ZNF638: variants seen among roughly 807,000 people sequenced by gnomAD.
ZNF638 encodes the protein zinc finger protein 638.
In ZNF638, 46 loss-of-function variants were observed where a neutral mutation model predicts 195.6. The ratio of observed to expected loss-of-function variants is 0.24; its 90% CI spans 0.19 to 0.30. ZNF638 has a LOEUF of 0.30. Among genes scored for constraint, ZNF638 ranks in the 10% least tolerant of loss-of-function variants. The pLI is 1.00. For synonymous variants in ZNF638, 845 were observed against 772.0 expected, an observed-to-expected ratio of 1.09 and a Z score of -1.57; for missense variants, 2,440 against 2,325.3, an observed-to-expected ratio of 1.05 and a Z score of -1.01.
chr2:71,408,751 T>G (rs1217261511), intron 20 of ZNF638: 2 of 453,528 alleles, frequency 4.4e-6, no homozygotes, highest in Non-Finnish European at 4.5e-6. Context: ...TATTTTCTCC[T>G]TCTATTCCAT....
chr2:71,365,185 T>C (rs1472322166), intron 5 of ZNF638, among the ~76,000 whole-genome samples: 1 of 152,182 alleles, frequency 6.6e-6, no homozygotes, highest in East Asian at 1.9e-4. Flanking sequence ...TCAGTAAATA[T>C]AACACAAATC....
intron 5 of ZNF638, 110 bp downstream of exon 5, chr2:71,364,362 T>C (rs2079159745): frequency 8.2e-7 from 1 of 1,218,284 alleles, no homozygotes; most frequent in Non-Finnish European, 1.1e-6. Flanking sequence ...TTAGAGTTGA[T>C]AAATGAAATC....
chr2:71,383,930 G>T (rs1223190029), intron 10 of ZNF638, among the ~76,000 whole-genome samples: 1 of 151,616 alleles, frequency 6.6e-6, no homozygotes, highest in Non-Finnish European at 1.5e-5. Flanking sequence ...TTTCCTGTCA[G>T]TCTTTAAGGA....
intron 8 of ZNF638, chr2:71,373,868 G>C (rs2079367329): frequency 6.6e-6 from 1 of 151,854 alleles, no homozygotes; most frequent in Non-Finnish European, 1.5e-5. Flanking sequence ...TATCACCCAG[G>C]CTGGAATGCG....
At chr2:71,358,798 C>T (rs2542502) in intron 3 of ZNF638, among the ~76,000 whole-genome samples, 14,956 of 152,100 alleles carry the variant, frequency 0.098, 795 homozygotes, top group Non-Finnish European at 0.12. Context: ...CTATCGGTGC[C>T]ATTTTTCTAA....
intron 10 of ZNF638, among the ~76,000 whole-genome samples, chr2:71,387,826 G>T (rs1404576760): frequency 6.6e-6 from 1 of 152,166 alleles, no homozygotes; most frequent in African/African-American, 2.4e-5. Context: ...TACATAAAAT[G>T]TATTAATGCA....
intron 11 of ZNF638, among the ~76,000 whole-genome samples, chr2:71,396,642 A>G (rs79317119): frequency 6.0e-4 from 92 of 152,304 alleles, no homozygotes; most frequent in African/African-American, 2.1e-3. Context: ...GATAGAAATC[A>G]ATGTATTAAA....
chr2:71,419,627 A>T (rs2080381658), intron 21 of ZNF638, among the ~76,000 whole-genome samples: 1 of 152,216 alleles, frequency 6.6e-6, no homozygotes, highest in Non-Finnish European at 1.5e-5. Context: ...TACCAGGTGC[A>T]TTCACATACC....
chr2:71,338,245 C>G (rs1558825581), intron 1 of ZNF638, among the ~76,000 whole-genome samples: 1 of 152,208 alleles, frequency 6.6e-6, no homozygotes, highest in African/African-American at 2.4e-5. Context: ...CTGAACCATC[C>G]TTTACTATGA....
intron 8 of ZNF638, chr2:71,375,932 T>A (rs2079414315): frequency 6.6e-6 from 1 of 152,244 alleles, no homozygotes; most frequent in Non-Finnish European, 1.5e-5. Context: ...TACTAGTGAC[T>A]GTCCAGAAAG....
At chr2:71,335,909 A>G (rs762404384) in intron 1 of ZNF638, among the ~76,000 whole-genome samples, 5 of 152,230 alleles carry the variant, frequency 3.3e-5, no homozygotes, top group Non-Finnish European at 5.9e-5. Flanking sequence ...ACTAATGTTC[A>G]TAATTCATTT....
At chr2:71,358,119 T>C (rs2079053552) in intron 3 of ZNF638, among the ~76,000 whole-genome samples, 1 of 152,164 alleles carries the variant, frequency 6.6e-6, no homozygotes, top group Non-Finnish European at 1.5e-5. Flanking sequence ...TAGCCTATCA[T>C]TCCTATCTCT....
rs1573050890 is a variant in ZNF638, at chr2:71,363,153, G to A, written c.1380G>A (p.Gln460=). 2 of 1,594,132 alleles carry A rather than the reference G, an allele frequency of 1.3e-6. No homozygotes were observed. The highest frequency in any genetic ancestry group is 1.7e-6 in the Non-Finnish European group (2 of 1,167,364). ...HIESCRQLRQ[Q]YPDWNPEILP... is the part of the protein sequence containing the mutation. ...TTAATATTGTTTATTTTCAAAATAG[G>A]TATCCTGATTGGAATCCTGAGATCC... is the stretch of plus-strand genomic sequence containing the variant. The change falls in exon 4 of 28, where the codon CAG becomes CAA. Residue 460 remains glutamine (Q), a splice_region_variant and synonymous_variant. Coordinates refer to ENST00000264447, the MANE Select transcript of ZNF638 (RefSeq NM_014497.5).
At chr2:71,366,363 G>GAA (rs34964345) in intron 6 of ZNF638, among the ~76,000 whole-genome samples, 1 of 139,262 alleles carries the variant, frequency 7.2e-6, no homozygotes, top group Admixed American at 7.2e-5. Context: ...CCTGTCTCAA[G>GAA]AAAAAAAAAA....
In ZNF638 at chr2:71,351,157, T is replaced by A. The variant is rs372113750; in HGVS notation, c.1317+886T>A. Reference sequence around the variant, plus strand: ...GAATATACTAACATGGGAAAAAGCTTTGATTCAAGGCCATGGCCTGGAATT... The same window carrying A: ...GAATATACTAACATGGGAAAAAGCTATGATTCAAGGCCATGGCCTGGAATT... On this transcript the variant is annotated intron_variant, in intron 2 of 27. Transcript: ENST00000264447. Among the ~76,000 whole-genome samples, 5 of 152,196 alleles carry A rather than the reference T, an allele frequency of 3.3e-5. No homozygotes were observed. The South Asian group carries it at 8.3e-4, about 25-fold the overall frequency.
chr2:71,369,339 A>C (rs1191112276), intron 7 of ZNF638, among the ~76,000 whole-genome samples: 1 of 151,124 alleles, frequency 6.6e-6, no homozygotes, highest in Non-Finnish European at 1.5e-5. Flanking sequence ...AAAAAAAAAA[A>C]AAAGTTTTGT....
intron 9 of ZNF638, 86 bp downstream of exon 9, chr2:71,380,366 T>C (rs2079514273): frequency 7.0e-6 from 8 of 1,146,046 alleles, no homozygotes; most frequent in Non-Finnish European, 9.8e-6. Flanking sequence ...ATTTTAAATA[T>C]ATTTTATCAC....
chr2:71,370,462 T>C (rs2079289664), intron 8 of ZNF638, among the ~76,000 whole-genome samples: 1 of 152,198 alleles, frequency 6.6e-6, no homozygotes, highest in African/African-American at 2.4e-5. Flanking sequence ...TCCTTAGAAG[T>C]ATCAAGTTTT....
chr2:71,391,294 ACTATTCCCC>A (rs1002687805), intron 10 of ZNF638, among the ~76,000 whole-genome samples: 5 of 152,182 alleles, frequency 3.3e-5, no homozygotes, highest in African/African-American at 1.2e-4. Flanking sequence ...CTGCTTTAAT[ACTATTCCCC>A]TTGCAGAACA....
Sources: gnomAD v4.1 joint callset for allele counts (sites outside exome capture counted in the v4.1 genomes callset) on GRCh38, gnomAD v4.1.1 for gene constraint, MANE v1.5 for transcripts, NCBI Gene and HGNC (gene_info 2026-07-23, HGNC 2026-07-21) for gene names.